ATP9A: variants seen among roughly 807,000 people sequenced by gnomAD.
ATP9A encodes ATPase phospholipid transporting 9A, also known as probable phospholipid-transporting ATPase IIA.
In ATP9A, 52 loss-of-function variants were observed where a neutral mutation model predicts 144.1. The ratio of observed to expected loss-of-function variants is 0.36; its 90% confidence interval spans 0.29 to 0.45. The LOEUF is 0.45. Among genes scored for constraint, ATP9A ranks in the 20% least tolerant of loss-of-function variants. ATP9A has a pLI of 1.00. For missense variants in ATP9A, 947 were observed against 1,392.7 expected (o/e 0.68, Z 5.09); for synonymous variants, 582 against 557.4 (o/e 1.04, Z -0.62).
At chr20:51,650,025 A>T (rs1328125862) in intron 14 of ATP9A, among the ~76,000 whole-genome samples, 1 of 152,116 alleles carries the variant, frequency 6.6e-6, no homozygotes, top group Non-Finnish European at 1.5e-5. Context: ...CTCACCTTCC[A>T]TGAAAGTGAG....
At chr20:51,729,176 A>G (rs2077728667) in intron 2 of ATP9A, among the ~76,000 whole-genome samples, 1 of 152,168 alleles carries the variant, frequency 6.6e-6, no homozygotes, top group African/African-American at 2.4e-5. Context: ...GGGGAAATTT[A>G]AGCACTGCTG....
chr20:51,633,067 T>C (rs995447724), intron 15 of ATP9A, among the ~76,000 whole-genome samples: 19 of 152,240 alleles, frequency 1.2e-4, no homozygotes, highest in Admixed American at 9.2e-4. Context: ...GAGGTTGCAG[T>C]GAGCTGAGAT....
intron 15 of ATP9A, among the ~76,000 whole-genome samples, chr20:51,637,491 C>T (rs1448286367): frequency 6.6e-6 from 1 of 151,780 alleles, no homozygotes; most frequent in Non-Finnish European, 1.5e-5. Context: ...CAAGCAAACC[C>T]GCAGGAAATC....
intron 1 of ATP9A, among the ~76,000 whole-genome samples, chr20:51,753,261 A>T (rs1195050125): frequency 2.6e-5 from 4 of 152,206 alleles, no homozygotes; most frequent in Non-Finnish European, 5.9e-5. Flanking sequence ...TCATTTGCAT[A>T]TGGCAAAACC....
chr20:51,748,327 T>G, intron 1 of ATP9A, among the ~76,000 whole-genome samples: 1 of 148,984 alleles, frequency 6.7e-6, no homozygotes, highest in Non-Finnish European at 1.5e-5. Flanking sequence ...AAGAAGGAGG[T>G]GGAGAAGGAA....
chr20:51,738,601 C>T (rs1601137941), intron 1 of ATP9A, among the ~76,000 whole-genome samples: 1 of 151,948 alleles, frequency 6.6e-6, no homozygotes, highest in Non-Finnish European at 1.5e-5. Flanking sequence ...CCCAGGTACT[C>T]GGGAGGATTG....
intron 19 of ATP9A, 40 bp from the exon 20 acceptor site, chr20:51,619,083 C>T (rs2077215629): frequency 2.6e-6 from 4 of 1,561,560 alleles, no homozygotes; most frequent in African/African-American, 1.4e-5. Context: ...CATTGCTCTC[C>T]GGACATGATA....
chr20:51,663,013 T>C (rs1005874724), intron 13 of ATP9A, among the ~76,000 whole-genome samples: 6 of 151,964 alleles, frequency 3.9e-5, no homozygotes, highest in African/African-American at 1.5e-4. Flanking sequence ...GAGGTTGCAG[T>C]GAGCCAAGAT....
Position 51,729,978 on chromosome 20 carries a change from C to A in ATP9A, c.69G>T (p.Gly23=). The change falls in exon 2 of 28, where the codon GGG becomes GGT. Residue 23 remains glycine, a splice_region_variant and synonymous_variant. Coordinates refer to ENST00000338821, the MANE Select transcript of ATP9A (RefSeq NM_006045.3). ...KKRMDSRPRA[G]CCEWLRCCGG... Reference sequence around the variant, plus strand: ...CGCAGCATCTCAGCCACTCGCAGCACCTGTGGGAAAGAAACCCACGCATCA... The same window carrying A: ...CGCAGCATCTCAGCCACTCGCAGCAACTGTGGGAAAGAAACCCACGCATCA... The A allele has an allele frequency of 6.5e-7, 1 of 1,534,728 alleles. No individual in the cohort carries two copies. Among genetic ancestry groups the A allele is most frequent in the Non-Finnish European group, 8.7e-7 (1 of 1,146,128 alleles).
intron 13 of ATP9A, among the ~76,000 whole-genome samples, chr20:51,663,760 C>T (rs2077420995): frequency 6.7e-6 from 1 of 149,294 alleles, no homozygotes; most frequent in South Asian, 2.1e-4. Flanking sequence ...CGCCACTGCA[C>T]TCCAGCCTGG....
intron 14 of ATP9A, among the ~76,000 whole-genome samples, chr20:51,652,402 A>T (rs942499104): frequency 3.3e-5 from 5 of 152,240 alleles, no homozygotes; most frequent in African/African-American, 1.2e-4. Context: ...AAATTACTCC[A>T]GCAGCTCCCA....
At chr20:51,656,177 T>C (rs2077385946) in intron 14 of ATP9A, among the ~76,000 whole-genome samples, 1 of 151,312 alleles carries the variant, frequency 6.6e-6, no homozygotes, top group Non-Finnish European at 1.5e-5. Context: ...GAATTTCCTT[T>C]GGGGTGATAA....
chr20:51,694,217 C>T, intron 6 of ATP9A, 115 bp from the exon 7 acceptor site: 2 of 704,606 alleles, frequency 2.8e-6, no homozygotes, highest in Non-Finnish European at 4.9e-6. Flanking sequence ...CCAGCGACCA[C>T]AAGAGAAAAT....
intron 14 of ATP9A, among the ~76,000 whole-genome samples, chr20:51,651,497 G>A (rs566426180): frequency 6.7e-6 from 1 of 150,316 alleles, no homozygotes; most frequent in Non-Finnish European, 1.5e-5. Flanking sequence ...TTTAGAAGGA[G>A]TCTGAGAAAA....
chr20:51,698,998 G>T (rs1281997151), intron 4 of ATP9A, among the ~76,000 whole-genome samples: 1 of 152,116 alleles, frequency 6.6e-6, no homozygotes, highest in East Asian at 1.9e-4. Context: ...CTGCTATCTT[G>T]TAACAAGCCC....
At chr20:51,627,338 C>T (rs1322529525) in intron 17 of ATP9A, among the ~76,000 whole-genome samples, 1 of 152,154 alleles carries the variant, frequency 6.6e-6, no homozygotes, top group Non-Finnish European at 1.5e-5. Flanking sequence ...GAGCCTTAGA[C>T]AGGTGGTCCA....
intron 17 of ATP9A, among the ~76,000 whole-genome samples, chr20:51,626,574 T>C (rs1468920548): frequency 6.8e-6 from 1 of 147,872 alleles, no homozygotes; most frequent in Non-Finnish European, 1.5e-5. Flanking sequence ...TACAAGGAGG[T>C]TGAGGCAGGA....
chr20:51,725,184 G>A lies in ATP9A; in HGVS notation c.327+635C>T, dbSNP rs564439670. On this transcript the variant is annotated intron_variant, in intron 3 of 27. Transcript: ENST00000338821. ...ATCACCCAGGCTGGAGTGCAGTGGC[G>A]TGATGTCAACTTACTGCAACCTCTG... is the stretch of plus-strand genomic sequence containing the variant. Among the ~76,000 whole-genome samples the A allele has an allele frequency of 1.1e-4, 16 of 152,192 alleles. No homozygotes were observed. In the South Asian group the frequency reaches 1.7e-3, roughly 16 times the overall value.
chr20:51,658,890 G>GTGGGGCC lies in ATP9A; in HGVS notation c.1294-1741_1294-1740insGGCCCCA, dbSNP rs57163076. 9.1e-5 allele frequency among the ~76,000 whole-genome samples: 5 copies of GTGGGGCC among 55,052 alleles called. 1 individual carries two copies. In the South Asian group the frequency reaches 4.2e-3, roughly 47 times the overall value. 36.1% of individuals were successfully genotyped at this position (55,052 alleles called of 152,430 possible). ...ATAATGAAAATTAAGACCACTGGCGGGGGGGGGGGGGGGAAGGCTCATTGT... is the reference window on the plus strand; with the variant it reads ...ATAATGAAAATTAAGACCACTGGCGGTGGGGCCGGGGGGGGGGGGGAAGGCTCATTGT... On this transcript the variant is annotated intron_variant, in intron 13 of 27. Transcript: ENST00000338821.
Sources: allele counts gnomAD v4.1 joint callset (sites outside exome capture counted in the v4.1 genomes callset), GRCh38; gene constraint gnomAD v4.1.1; transcripts MANE v1.5; gene names NCBI Gene and HGNC (gene_info 2026-07-23, HGNC 2026-07-21).